CNGB3: variants seen among roughly 807,000 people sequenced by gnomAD.
The protein encoded by CNGB3 is cyclic nucleotide-gated channel beta-3.
A neutral mutation model predicts 92.8 loss-of-function variants in CNGB3; 86 were observed. That is an observed-to-expected ratio of 0.93 (90% CI 0.78 to 1.11). The LOEUF is 1.11. Among genes scored for constraint, CNGB3 ranks in the 50% least tolerant of loss-of-function variants. The pLI is 0.00. For missense variants in CNGB3, 1,026 were observed against 956.8 expected (o/e 1.07, Z -0.95); for synonymous variants, 333 against 332.7 (o/e 1.00, Z -0.01).
At chr8:86,691,172 C>T (rs372457268) in intron 3 of CNGB3, among the ~76,000 whole-genome samples, 21 of 152,072 alleles carry the variant, frequency 1.4e-4, no homozygotes, top group African/African-American at 4.8e-4. Flanking sequence ...TCATTCTCAG[C>T]TTGGTTGGTG....
intron 10 of CNGB3, among the ~76,000 whole-genome samples, chr8:86,638,474 A>ACC (rs1823116964): frequency 6.6e-6 from 1 of 152,046 alleles, no homozygotes; most frequent in Non-Finnish European, 1.5e-5. Context: ...TTTTAAAAGT[A>ACC]CCCCTTCTAT....
chr8:86,640,876 T>C (rs544495968), intron 10 of CNGB3, among the ~76,000 whole-genome samples: 75 of 152,138 alleles, frequency 4.9e-4, no homozygotes, highest in African/African-American at 1.6e-3. Flanking sequence ...CAGAGGTGTT[T>C]GAACCAGAGT....
chr8:86,712,521 C>A (rs1824767887), intron 3 of CNGB3, among the ~76,000 whole-genome samples: 1 of 152,020 alleles, frequency 6.6e-6, no homozygotes, highest in Non-Finnish European at 1.5e-5. Flanking sequence ...TACTTAGTTA[C>A]TCCAGCACTA....
intron 7 of CNGB3, 140 bp downstream of exon 7, chr8:86,653,872 G>T: frequency 1.5e-6 from 1 of 686,732 alleles, no homozygotes; most frequent in South Asian, 1.7e-5. Context: ...GGTAATTATT[G>T]AGAGGCAGAA....
At chr8:86,587,589 T>C (rs1479187742) in intron 15 of CNGB3, among the ~76,000 whole-genome samples, 1 of 152,250 alleles carries the variant, frequency 6.6e-6, no homozygotes, top group South Asian at 2.1e-4. Context: ...ATTTATTAAA[T>C]AGGGAATCCT....
At chr8:86,578,895 A>G in intron 16 of CNGB3, 32 bp from the exon 17 acceptor site, 2 of 1,613,930 alleles carry the variant, frequency 1.2e-6, no homozygotes, top group Non-Finnish European at 1.7e-6. Flanking sequence ...TGTTTTAGGT[A>G]ACTCTGTGAG....
chr8:86,599,284 A>G (rs975317408), intron 15 of CNGB3, among the ~76,000 whole-genome samples: 8 of 152,170 alleles, frequency 5.3e-5, no homozygotes, highest in Non-Finnish European at 1.0e-4. Flanking sequence ...CTTTACTTTA[A>G]TCTCTTAATC....
intron 13 of CNGB3, among the ~76,000 whole-genome samples, chr8:86,612,385 T>G (rs577927039): frequency 1.3e-5 from 2 of 152,326 alleles, no homozygotes; most frequent in Admixed American, 6.5e-5. Context: ...TTGAATCTTT[T>G]GCTTTCAACA....
chr8:86,668,288 A>C lies in CNGB3; in HGVS notation c.494-120T>G. 10 of 859,582 alleles carry C rather than the reference A, an allele frequency of 1.2e-5. No individual in the cohort carries two copies. The South Asian group carries it at 1.4e-4, about 12-fold the overall frequency. 53.2% of individuals were successfully genotyped at this position (859,582 alleles called of 1,614,324 possible). ...ACTCATAAGTGGGAGTTGAACAATGAGAACATATGGGCACAGGGAGGGGAA... is the reference window on the plus strand; with the variant it reads ...ACTCATAAGTGGGAGTTGAACAATGCGAACATATGGGCACAGGGAGGGGAA... On this transcript the variant is annotated intron_variant, in intron 4 of 17. Transcript: ENST00000320005.
chr8:86,703,073 A>T (rs978132), intron 3 of CNGB3, among the ~76,000 whole-genome samples: 43,770 of 151,978 alleles, frequency 0.29, 6,652 homozygotes, highest in East Asian at 0.4. Context: ...TCTTTTACAT[A>T]CAGTTTACCA....
At chr8:86,687,669 T>C (rs1411318616) in intron 3 of CNGB3, among the ~76,000 whole-genome samples, 1 of 152,078 alleles carries the variant, frequency 6.6e-6, no homozygotes, top group Non-Finnish European at 1.5e-5. Flanking sequence ...ATAAGTGCAC[T>C]TTGGTTAATT....
intron 3 of CNGB3, among the ~76,000 whole-genome samples, chr8:86,673,329 T>G (rs1242650698): frequency 1.3e-5 from 2 of 152,196 alleles, no homozygotes; most frequent in Admixed American, 1.3e-4. Flanking sequence ...ATAGACTGTC[T>G]TTTAGGCATG....
At chr8:86,743,398 T>TA in intron 1 of CNGB3, 101 bp downstream of exon 1, 1 of 1,392,194 alleles carries the variant, frequency 7.2e-7, no homozygotes, top group East Asian at 2.3e-5. Context: ...TGGTGCCAGG[T>TA]AAAACTACTA....
chr8:86,651,773 C>A (rs1823408821), intron 7 of CNGB3, among the ~76,000 whole-genome samples: 1 of 151,856 alleles, frequency 6.6e-6, no homozygotes, highest in Non-Finnish European at 1.5e-5. Flanking sequence ...AAACCCTGTG[C>A]AAGACAATTT....
chr8:86,658,947 A>T, intron 6 of CNGB3: 1 of 1,064,386 alleles, frequency 9.4e-7, no homozygotes, highest in Non-Finnish European at 1.4e-6. Context: ...TCGGTTCAGG[A>T]GACTCAAGCC....
chr8:86,726,671 AT>A lies in CNGB3; in HGVS notation c.212-15del. Reference sequence around the variant, plus strand: ...TGGAGAGTTTGTCTATGAAAAAAAAATTCACATAGATAGAAGAATGTACAAC... The same window carrying A: ...TGGAGAGTTTGTCTATGAAAAAAAAATCACATAGATAGAAGAATGTACAAC... On this transcript the variant is annotated splice_polypyrimidine_tract_variant and intron_variant, in intron 2 of 17. Transcript: ENST00000320005. 6.2e-7 allele frequency: 1 copy of A among 1,613,252 alleles called. No individual in the cohort carries two copies. Among genetic ancestry groups the A allele is most frequent in the Non-Finnish European group, 8.5e-7 (1 of 1,179,362 alleles).
chr8:86,680,214 T>C (rs751300798), intron 3 of CNGB3, among the ~76,000 whole-genome samples: 4 of 152,164 alleles, frequency 2.6e-5, no homozygotes, highest in Non-Finnish European at 4.4e-5. Context: ...GAAAAAAATG[T>C]TGTGAAAACT....
At chr8:86,633,467 T>C (rs1309390202) in intron 10 of CNGB3, among the ~76,000 whole-genome samples, 1 of 152,192 alleles carries the variant, frequency 6.6e-6, no homozygotes, top group African/African-American at 2.4e-5. Flanking sequence ...GTGACTAGCT[T>C]GGGCTTCCTC....
intron 10 of CNGB3, among the ~76,000 whole-genome samples, chr8:86,641,514 C>T (rs1823186192): frequency 6.6e-6 from 1 of 151,820 alleles, no homozygotes; most frequent in Admixed American, 6.6e-5. Context: ...TTAAATTGTC[C>T]TTACCATCTT....
Sources: gnomAD v4.1 joint callset for allele counts (sites outside exome capture counted in the v4.1 genomes callset) on GRCh38, gnomAD v4.1.1 for gene constraint, MANE v1.5 for transcripts, NCBI Gene and HGNC (gene_info 2026-07-23, HGNC 2026-07-21) for gene names.